Variants in APBB2 observed in about 807,000 individuals in gnomAD.
APBB2 encodes Fe65-like 1.
Under a neutral mutation model 82.5 loss-of-function variants are expected in APBB2, and 38 were observed. The observed-to-expected ratio is 0.46, with a 90% CI of 0.36 to 0.60. The LOEUF (loss-of-function observed/expected upper bound fraction) is 0.60, where lower values mean the gene tolerates loss of function less well. Among genes scored for constraint, APBB2 ranks in the 20% least tolerant of loss-of-function variants. APBB2 has a pLI of 0.00. For missense variants in APBB2, 772 were observed against 972.3 expected (o/e 0.79, Z 2.74); for synonymous variants, 341 against 368.2 (o/e 0.93, Z 0.85).
At chr4:41,001,835 G>A (rs1396614307) in intron 6 of APBB2, among the ~76,000 whole-genome samples, 1 of 150,488 alleles carries the variant, frequency 6.6e-6, no homozygotes, top group Admixed American at 6.6e-5. Flanking sequence ...CCGAAATCGC[G>A]CCACTGCACT....
chr4:41,085,184 G>A (rs1739181907), intron 3 of APBB2, among the ~76,000 whole-genome samples: 1 of 150,376 alleles, frequency 6.6e-6, no homozygotes, highest in Non-Finnish European at 1.5e-5. Flanking sequence ...CCGGGAGGTG[G>A]AGCTTGCAGT....
At chr4:40,905,124 C>A (rs1038716212) in intron 10 of APBB2, among the ~76,000 whole-genome samples, 8 of 152,154 alleles carry the variant, frequency 5.3e-5, no homozygotes, top group African/African-American at 1.9e-4. Context: ...CATGGCTAAC[C>A]CCCATGTAGC....
intron 6 of APBB2, among the ~76,000 whole-genome samples, chr4:40,993,569 A>G (rs1450525169): frequency 6.6e-6 from 1 of 151,320 alleles, no homozygotes; most frequent in Non-Finnish European, 1.5e-5. Context: ...TTTATTTTTT[A>G]TAGAGATGAA....
intron 1 of APBB2, among the ~76,000 whole-genome samples, chr4:41,165,198 G>A (rs1251970980): frequency 6.8e-6 from 1 of 146,402 alleles, no homozygotes; most frequent in Non-Finnish European, 1.5e-5. Flanking sequence ...TAGCGGTGTA[G>A]CAAGTCACTT....
chr4:41,102,529 T>A (rs1315971980), intron 2 of APBB2, among the ~76,000 whole-genome samples: 2 of 152,238 alleles, frequency 1.3e-5, no homozygotes, highest in Non-Finnish European at 2.9e-5. Flanking sequence ...ATGATTTCAC[T>A]GCAAGAATAC....
intron 1 of APBB2, among the ~76,000 whole-genome samples, chr4:41,211,829 G>A (rs1779402840): frequency 6.6e-6 from 1 of 152,268 alleles, no homozygotes; most frequent in Middle Eastern, 3.4e-3. Flanking sequence ...ACAGAGACAC[G>A]ACATACCATT....
chr4:41,148,580 G>C (rs146549254), intron 1 of APBB2, among the ~76,000 whole-genome samples: 3 of 152,188 alleles, frequency 2.0e-5, no homozygotes, highest in African/African-American at 7.2e-5. Flanking sequence ...CTTTCTGCAC[G>C]GACTGACTCT....
At position 41,013,909 on chromosome 4, in the gene APBB2, G is replaced by A; in HGVS notation, c.509C>T (p.Thr170Ile). ...GTTCTGCTCTAGTTCTCTGGCTGAG[G>A]TTTCCAGATCTGCATAGTAATTTAG... is the stretch of plus-strand genomic sequence containing the variant. ...SFLNYYADLETSARELEQNRG... is the reference protein window; with the variant it reads ...SFLNYYADLEISARELEQNRG... Residue 170 changes from threonine (T) to isoleucine (I), a missense_variant, in exon 6 of 18, where the codon ACC becomes ATC. Thr to Ile is a moderately conservative substitution (Grantham distance 89, BLOSUM62 -1). Transcript: ENST00000508593. The A allele has an allele frequency of 6.2e-7, 1 of 1,614,134 alleles. No homozygotes were observed. Among genetic ancestry groups the A allele is most frequent in the Non-Finnish European group, 8.5e-7 (1 of 1,180,002 alleles).
chr4:40,878,303 T>C (rs914073281), intron 12 of APBB2, among the ~76,000 whole-genome samples: 9 of 152,062 alleles, frequency 5.9e-5, no homozygotes, highest in African/African-American at 1.7e-4. Context: ...ATCTTGCCAC[T>C]GCACTCCACC....
intron 6 of APBB2, among the ~76,000 whole-genome samples, chr4:40,968,110 T>C (rs975627659): frequency 2.0e-5 from 3 of 152,206 alleles, no homozygotes; most frequent in Admixed American, 1.3e-4. Flanking sequence ...TCTAAGCACT[T>C]ACTGTGTATC....
At chr4:40,982,277 AGAAAGAAGGAAGGAAGGAAG>A (rs1442454995) in intron 6 of APBB2, among the ~76,000 whole-genome samples, 276 of 25,676 alleles carry the variant, frequency 0.011, 33 homozygotes, top group African/African-American at 0.045. Flanking sequence ...AAAGAAAGAA[AGAAAGAAGGAAGGAAGGAAG>A]GAAGGAAGGA....
chr4:41,122,173 G>A (rs931752079), intron 2 of APBB2, among the ~76,000 whole-genome samples: 2 of 152,010 alleles, frequency 1.3e-5, no homozygotes, highest in Non-Finnish European at 2.9e-5. Context: ...CAATCCTCCT[G>A]CCTTGGCCAC....
chr4:41,144,159 G>A (rs1760031625), intron 1 of APBB2, among the ~76,000 whole-genome samples: 1 of 152,230 alleles, frequency 6.6e-6, no homozygotes. Flanking sequence ...AGAGGGGACA[G>A]GACAAATGTT....
rs183360712 is a variant in APBB2, at chr4:41,168,774, T to C, written c.-416-25632A>G. ...GAAGATTACCTTTACTGTTTAAACT[T>C]AGTTGAGTGAAATTTTCTGTGATTT... On this transcript the variant is annotated intron_variant, in intron 1 of 17. Coordinates refer to ENST00000508593, the MANE Select transcript of APBB2 (RefSeq NM_004307.2). 2.0e-5 allele frequency among the ~76,000 whole-genome samples: 3 copies of C among 152,288 alleles called. No homozygotes were observed. The East Asian group carries it at 5.8e-4, about 29-fold the overall frequency.
At chr4:41,061,000 C>T (rs1729618869) in intron 4 of APBB2, among the ~76,000 whole-genome samples, 1 of 152,146 alleles carries the variant, frequency 6.6e-6, no homozygotes, top group African/African-American at 2.4e-5. Context: ...ACCAGGGTGA[C>T]CTTTTAAACT....
chr4:40,975,551 T>C (rs767340847), intron 6 of APBB2, among the ~76,000 whole-genome samples: 27 of 152,148 alleles, frequency 1.8e-4, no homozygotes, highest in Non-Finnish European at 3.4e-4. Context: ...CCCTGGTACA[T>C]GCTGCACGTT....
chr4:40,876,240 A>G (rs1578139194), intron 12 of APBB2, among the ~76,000 whole-genome samples: 1 of 152,354 alleles, frequency 6.6e-6, no homozygotes. Flanking sequence ...AACTGCATAT[A>G]TTTAAAATAT....
Position 40,832,051 on chromosome 4 carries a change from C to T in APBB2, c.1530-1474G>A, listed in dbSNP as rs1010916301. On this transcript the variant is annotated intron_variant, in intron 12 of 17. Coordinates refer to ENST00000508593, the MANE Select transcript of APBB2 (RefSeq NM_004307.2). This position sits in a 1 kb window ranked among gnomAD's most constrained non-coding sequence, Gnocchi z 4.8. ...ACACACACACACACACACACACACA[C>T]ATATACACCAAGCTTTACCCATCTA... 5.4e-5 allele frequency among the ~76,000 whole-genome samples: 8 copies of T among 149,210 alleles called. No individual in the cohort carries two copies. The highest frequency in any genetic ancestry group is 2.1e-4 in the South Asian group (1 of 4,776).
At chr4:41,144,662 G>A (rs560853992) in intron 1 of APBB2, among the ~76,000 whole-genome samples, 2 of 152,356 alleles carry the variant, frequency 1.3e-5, no homozygotes, top group East Asian at 3.9e-4. Context: ...CAAAACCCAA[G>A]TGTCCAGTAA....
Sources: gnomAD v4.1 joint callset for allele counts (sites outside exome capture counted in the v4.1 genomes callset) on GRCh38, gnomAD v4.1.1 for gene constraint, Gnocchi (gnomAD v3.1) non-coding constraint, MANE v1.5 for transcripts, NCBI Gene and HGNC (gene_info 2026-07-23, HGNC 2026-07-21) for gene names.